The following IMPG1 variants were observed in gnomAD, a reference collection of about 807,000 sequenced individuals.
The protein encoded by IMPG1 is interphotoreceptor matrix proteoglycan 1, also known as interphotoreceptor matrix proteoglycan of 150 kDa.
IMPG1 carries 85 observed loss-of-function variants against 92.0 expected under a neutral mutation model. The observed-to-expected ratio is 0.92, with a 90% confidence interval of 0.78 to 1.11. The LOEUF is 1.11. IMPG1 is among the 50% of genes least tolerant of loss of function. The pLI is 0.00. For missense variants in IMPG1, 1,022 were observed against 956.0 expected (o/e 1.07, Z -0.91); for synonymous variants, 367 against 334.1 (o/e 1.10, Z -1.08).
intron 6 of IMPG1, among the ~76,000 whole-genome samples, chr6:76,021,118 A>T (rs1783415997): frequency 6.6e-6 from 1 of 152,150 alleles, no homozygotes; most frequent in Non-Finnish European, 1.5e-5. Flanking sequence ...CCACTATGAA[A>T]CTTCAAAAGA....
At chr6:76,000,524 C>A (rs531389027) in intron 12 of IMPG1, among the ~76,000 whole-genome samples, 1 of 151,976 alleles carries the variant, frequency 6.6e-6, no homozygotes, top group Non-Finnish European at 1.5e-5. Flanking sequence ...TTTTAATAAG[C>A]AAAATTAAAA....
At chr6:76,049,799 G>T (rs1432322929) in intron 1 of IMPG1, among the ~76,000 whole-genome samples, 2 of 152,290 alleles carry the variant, frequency 1.3e-5, no homozygotes, top group East Asian at 3.9e-4. Flanking sequence ...AAGTATTTAG[G>T]GGGGCATAAA....
At position 76,007,300 on chromosome 6, in the gene IMPG1, G is replaced by T. The variant is rs543582855; in HGVS notation, c.887+180C>A. ...ATCCCACATAGTGACTTTGATAAGA[G>T]AATTTTTTTTTTTTTAACTACTGGA... is the stretch of plus-strand genomic sequence containing the variant. On this transcript the variant is annotated intron_variant, in intron 9 of 16. Transcript: ENST00000369950. Among the ~76,000 whole-genome samples, 17 of 149,846 alleles carry T rather than the reference G, an allele frequency of 1.1e-4. No individual in the cohort carries two copies. In the South Asian group the frequency reaches 3.0e-3, roughly 26 times the overall value.
intron 16 of IMPG1, among the ~76,000 whole-genome samples, chr6:75,923,056 CTA>C (rs1435110200): frequency 6.6e-6 from 1 of 152,018 alleles, no homozygotes; most frequent in Non-Finnish European, 1.5e-5. Context: ...TTTTAAAAAA[CTA>C]TGTCAACTAT....
intron 12 of IMPG1, among the ~76,000 whole-genome samples, chr6:75,959,379 A>T (rs548472118): frequency 1.3e-5 from 2 of 152,294 alleles, no homozygotes; most frequent in Admixed American, 6.5e-5. Context: ...TCTGTCCCTT[A>T]TCAGAGCTCA....
At chr6:75,963,921 G>A (rs1782253997) in intron 12 of IMPG1, among the ~76,000 whole-genome samples, 1 of 152,198 alleles carries the variant, frequency 6.6e-6, no homozygotes, top group Non-Finnish European at 1.5e-5. Flanking sequence ...GTTACCTGGG[G>A]AAAGTTTGTC....
At chr6:75,936,605 C>T (rs1331466306) in intron 14 of IMPG1, among the ~76,000 whole-genome samples, 1 of 152,216 alleles carries the variant, frequency 6.6e-6, no homozygotes. Context: ...TCTCAAGAAG[C>T]ACCACCACAG....
At chr6:76,053,982 T>C (rs1784081991) in intron 1 of IMPG1, among the ~76,000 whole-genome samples, 1 of 152,168 alleles carries the variant, frequency 6.6e-6, no homozygotes, top group Non-Finnish European at 1.5e-5. Flanking sequence ...TGTTAACTTT[T>C]GGATGGATAA....
intron 14 of IMPG1, among the ~76,000 whole-genome samples, chr6:75,946,324 C>T (rs1781928500): frequency 6.6e-6 from 1 of 152,156 alleles, no homozygotes; most frequent in South Asian, 2.1e-4. Flanking sequence ...AAATGTCTCC[C>T]ACTGAGCCTT....
chr6:76,034,356 A>C lies in IMPG1; in HGVS notation c.469-13T>G, dbSNP rs759702655. On this transcript the variant is annotated splice_polypyrimidine_tract_variant and intron_variant, in intron 3 of 16. Transcript: ENST00000369950. ...TCTGTTTTATTCTCTGCAAAAAGATAAAGATAAAATGTAATTTTACCAGGA... is the reference window on the plus strand; with the variant it reads ...TCTGTTTTATTCTCTGCAAAAAGATCAAGATAAAATGTAATTTTACCAGGA... 22 of 1,611,086 alleles carry C rather than the reference A, an allele frequency of 1.4e-5. No individual in the cohort carries two copies. Among genetic ancestry groups the C allele is most frequent in the Non-Finnish European group, 1.9e-5 (22 of 1,177,430 alleles).
chr6:76,010,528 G>A (rs1441394649), intron 8 of IMPG1, among the ~76,000 whole-genome samples: 1 of 152,140 alleles, frequency 6.6e-6, no homozygotes, highest in Non-Finnish European at 1.5e-5. Context: ...ACCCTCTTTA[G>A]TGTGGCACTA....
At chr6:76,024,969 C>T (rs1212433241) in intron 5 of IMPG1, 3 of 586,602 alleles carry the variant, frequency 5.1e-6, no homozygotes, top group African/African-American at 1.8e-5. Flanking sequence ...TGGTTGTTTC[C>T]AAACTGTAAG....
chr6:76,034,754 A>T lies in IMPG1; in HGVS notation c.335T>A (p.Ile112Asn). 3 of 1,614,110 alleles carry T rather than the reference A, an allele frequency of 1.9e-6. No individual in the cohort carries two copies. The highest frequency in any genetic ancestry group is 2.5e-6 in the Non-Finnish European group (3 of 1,180,008). Reference sequence around the variant, plus strand: ...TGTGTCAGGGATGCGATCCAGAAAGATCCGATATGCTTCCCATACTGCTTC... The same window carrying T: ...TGTGTCAGGGATGCGATCCAGAAAGTTCCGATATGCTTCCCATACTGCTTC... ...CQEAVWEAYR[I>N]FLDRIPDTGE... is the part of the protein sequence containing the mutation. The change falls in exon 3 of 17, where the codon ATC (isoleucine) becomes AAC (asparagine). Residue 112 changes from isoleucine to asparagine, a missense_variant. This residue lies in a region of IMPG1 where 681 missense variants were observed against 583.6 expected (regional missense o/e 1.17). Transcript: ENST00000369950.
chr6:75,940,252 T>C (rs1411209835), intron 14 of IMPG1, among the ~76,000 whole-genome samples: 2 of 152,216 alleles, frequency 1.3e-5, no homozygotes, highest in Non-Finnish European at 2.9e-5. Context: ...AAATGTATAC[T>C]TTCAGCCCTG....
At position 75,947,541 on chromosome 6, in the gene IMPG1, A is replaced by G; in HGVS notation, c.1825-8T>C. ...TCGTAGATATGGAACCAGCTGCAAA[A>G]TAAAAGATGGTTTCCTCTTAACTGT... On this transcript the variant is annotated splice_polypyrimidine_tract_variant and splice_region_variant and intron_variant, in intron 13 of 16. Transcript: ENST00000369950. 6.2e-7 allele frequency: 1 copy of G among 1,602,140 alleles called. No homozygotes were observed. The highest frequency in any genetic ancestry group is 8.5e-7 in the Non-Finnish European group (1 of 1,170,254).
At chr6:76,050,415 C>G (rs1000666654) in intron 1 of IMPG1, among the ~76,000 whole-genome samples, 5 of 152,086 alleles carry the variant, frequency 3.3e-5, no homozygotes, top group African/African-American at 1.2e-4. Context: ...TGCACTCCAG[C>G]CTGGGTGACA....
chr6:76,003,951 C>G lies in IMPG1; in HGVS notation c.1136-1G>C. On this transcript the variant is annotated splice_acceptor_variant, in intron 10 of 16. Coordinates refer to ENST00000369950, the MANE Select transcript of IMPG1 (RefSeq NM_001563.4). LOFTEE classifies it high-confidence loss of function. Reference sequence around the variant, plus strand: ...AAGGCTGGCAGTGATCCAGCAATTTCTATGGGTAAAAAATCACAAGATTTG... The same window carrying G: ...AAGGCTGGCAGTGATCCAGCAATTTGTATGGGTAAAAAATCACAAGATTTG... The G allele has an allele frequency of 1.2e-6, 2 of 1,609,422 alleles. No homozygotes were observed. The highest frequency in any genetic ancestry group is 1.7e-6 in the Non-Finnish European group (2 of 1,177,430).
chr6:76,054,332 G>A (rs1296419645), intron 1 of IMPG1, among the ~76,000 whole-genome samples: 1 of 151,918 alleles, frequency 6.6e-6, no homozygotes, highest in East Asian at 1.9e-4. Context: ...GCCTGATTTA[G>A]CAAATAAAAA....
At chr6:76,070,110 C>G (rs757012257) in intron 1 of IMPG1, among the ~76,000 whole-genome samples, 1 of 152,138 alleles carries the variant, frequency 6.6e-6, no homozygotes, top group Non-Finnish European at 1.5e-5. Context: ...AACTAACCTG[C>G]ACATGTATGC....
Sources: gnomAD v4.1 joint callset for allele counts (sites outside exome capture counted in the v4.1 genomes callset) on GRCh38, gnomAD v4.1.1 for gene constraint, gnomAD v4.1.1 regional missense constraint, MANE v1.5 for transcripts, NCBI Gene and HGNC (gene_info 2026-07-23, HGNC 2026-07-21) for gene names.